ARFGEF2: variants seen among roughly 807,000 people sequenced by gnomAD.
ARFGEF2 encodes the protein brefeldin A-inhibited guanine nucleotide-exchange protein 2.
ARFGEF2 carries 74 observed loss-of-function variants against 219.9 expected under a neutral mutation model. That is an observed-to-expected ratio of 0.34 (90% CI 0.28 to 0.41). ARFGEF2 has a LOEUF of 0.41. Ranked by LOEUF, ARFGEF2 falls within the 10% of genes least tolerant of loss-of-function variation. The pLI, the probability that ARFGEF2 is intolerant of heterozygous loss-of-function variation, is 1.00. For synonymous variants in ARFGEF2, 733 were observed against 799.2 expected (o/e 0.92, Z 1.40); for missense variants, 1,743 against 2,218.3 (o/e 0.79, Z 4.30).
intron 1 of ARFGEF2, among the ~76,000 whole-genome samples, chr20:48,928,221 C>CGGA (rs1204892809): frequency 8.9e-6 from 1 of 112,246 alleles, no homozygotes; most frequent in Non-Finnish European, 1.7e-5. Flanking sequence ...TTTTTTGAGA[C>CGGA]GGAGTCTCGC....
At chr20:48,940,348 GTT>G (rs1027095093) in intron 1 of ARFGEF2, among the ~76,000 whole-genome samples, 1 of 152,152 alleles carries the variant, frequency 6.6e-6, no homozygotes, top group Non-Finnish European at 1.5e-5. Context: ...TATTATAATT[GTT>G]TTAAAAAGTG....
chr20:48,955,291 C>A (rs1356335446), intron 6 of ARFGEF2, among the ~76,000 whole-genome samples: 1 of 152,158 alleles, frequency 6.6e-6, no homozygotes, highest in Non-Finnish European at 1.5e-5. Flanking sequence ...GCCTCTGAAC[C>A]CCTTGTATCT....
chr20:49,034,732 G>A lies in ARFGEF2; in HGVS notation c.*1533G>A, dbSNP rs372113955. On this transcript the variant is annotated 3_prime_UTR_variant, in exon 39 of 39. Transcript: ENST00000371917. ...CAGATGTTTTTTCTTTGTAGAGAAG[G>A]ATTTCTGGTGCTTTTGCTTACTAAG... is the stretch of plus-strand genomic sequence containing the variant. The A allele has an allele frequency of 6.6e-6, 1 of 152,156 alleles. No homozygotes were observed. The highest frequency in any genetic ancestry group is 6.5e-5 in the Admixed American group (1 of 15,268). The allele number at this position is 152,156 out of a possible 1,614,324, so 9.4% of individuals were successfully genotyped here.
intron 12 of ARFGEF2, among the ~76,000 whole-genome samples, chr20:48,973,498 A>G (rs1183736748): frequency 6.6e-6 from 1 of 152,172 alleles, no homozygotes; most frequent in African/African-American, 2.4e-5. Flanking sequence ...GGGACGGCAG[A>G]GAGGAAGTGC....
chr20:49,032,911 G>T, intron 38 of ARFGEF2, 112 bp from the exon 39 acceptor site: 1 of 1,106,656 alleles, frequency 9.0e-7, no homozygotes, highest in South Asian at 1.3e-5. Flanking sequence ...CTAATAGCAA[G>T]AAAAGCACCA....
intron 37 of ARFGEF2, among the ~76,000 whole-genome samples, chr20:49,031,420 G>A (rs1355010039): frequency 6.6e-6 from 1 of 151,892 alleles, no homozygotes; most frequent in African/African-American, 2.4e-5. Flanking sequence ...AGTAGAAATG[G>A]GGGTTTGCTA....
At chr20:48,968,514 T>G (rs1856997580) in intron 8 of ARFGEF2, among the ~76,000 whole-genome samples, 2 of 152,040 alleles carry the variant, frequency 1.3e-5, no homozygotes, top group African/African-American at 4.8e-5. Context: ...GCGATTCTCC[T>G]GTCTTAGCCT....
At chr20:48,932,801 C>T (rs1460349709) in intron 1 of ARFGEF2, among the ~76,000 whole-genome samples, 1 of 152,124 alleles carries the variant, frequency 6.6e-6, no homozygotes, top group Non-Finnish European at 1.5e-5. Context: ...TCAGTGTGAC[C>T]AGCCTCACCA....
At chr20:48,978,029 G>A (rs1319472327) in intron 14 of ARFGEF2, among the ~76,000 whole-genome samples, 2 of 152,164 alleles carry the variant, frequency 1.3e-5, no homozygotes, top group African/African-American at 2.4e-5. Flanking sequence ...TGCTTTTGGT[G>A]TTTTAGTCAT....
Position 49,025,294 on chromosome 20 carries a change from C to T in ARFGEF2, c.4756-19C>T. ...CCATCTTCTTCATTAGCTCTTCTAT[C>T]CTCTGTCCTGTCCTCTAGCAAGACA... On this transcript the variant is annotated intron_variant, in intron 35 of 38. Transcript: ENST00000371917. 6.2e-7 allele frequency: 1 copy of T among 1,601,032 alleles called. No homozygotes were observed. Among genetic ancestry groups the T allele is most frequent in the Non-Finnish European group, 8.5e-7 (1 of 1,173,168 alleles).
intron 37 of ARFGEF2, 112 bp downstream of exon 37, chr20:49,028,780 AT>A (rs908604772): frequency 1.8e-4 from 227 of 1,238,714 alleles, no homozygotes; most frequent in African/African-American, 1.8e-3. Context: ...ACTCTGACAA[AT>A]TTTTTTTTCT....
At position 48,975,129 on chromosome 20, in the gene ARFGEF2, A is replaced by G. The variant is rs180884065; in HGVS notation, c.1774+255A>G. ...AGTTGTTCATTCCCTCACTGATTCA[A>G]AGCATCACCTTTATGATATACCACA... On this transcript the variant is annotated intron_variant, in intron 13 of 38. Coordinates refer to ENST00000371917, the MANE Select transcript of ARFGEF2 (RefSeq NM_006420.3). 1.4e-3 allele frequency among the ~76,000 whole-genome samples: 213 copies of G among 152,258 alleles called. 1 individual carries two copies. Among genetic ancestry groups the G allele is most frequent in the African/African-American group, 4.9e-3 (202 of 41,562 alleles).
rs2091488116 is a variant in ARFGEF2, at chr20:49,010,152, C to T, written c.3585-80C>T. ...TGCTATAAGAAATGTTTAAGTGCTG[C>T]TTCTAAGGGATGAGCTATGTTCATT... On this transcript the variant is annotated intron_variant, in intron 26 of 38. Transcript: ENST00000371917. 20 of 1,522,450 alleles carry T rather than the reference C, an allele frequency of 1.3e-5. No individual in the cohort carries two copies. In the Admixed American group the frequency reaches 3.5e-4, roughly 27 times the overall value. 94.3% of individuals were successfully genotyped at this position (1,522,450 alleles called of 1,614,324 possible).
intron 31 of ARFGEF2, 146 bp from the exon 32 acceptor site, chr20:49,017,103 A>T: frequency 1.4e-6 from 1 of 730,556 alleles, no homozygotes; most frequent in Non-Finnish European, 2.2e-6. Flanking sequence ...TAAAAATTTT[A>T]ATACTGTCTG....
In ARFGEF2 at chr20:48,985,024, C is replaced by T. The variant is rs1600633857; in HGVS notation, c.2070+184C>T. 6.6e-5 allele frequency among the ~76,000 whole-genome samples: 10 copies of T among 152,222 alleles called. No homozygotes were observed. In the South Asian group the frequency reaches 2.1e-3, roughly 32 times the overall value. ...CTGTGTATCCCGTTGGCTAGTGTTG[C>T]AGAAAGCTCTTTGATGGGAATAAAC... On this transcript the variant is annotated intron_variant, in intron 15 of 38. Coordinates refer to ENST00000371917, the MANE Select transcript of ARFGEF2 (RefSeq NM_006420.3).
chr20:49,033,045 A>G lies in ARFGEF2; in HGVS notation c.5204A>G (p.Tyr1735Cys). The G allele has an allele frequency of 6.2e-7, 1 of 1,614,092 alleles. No homozygotes were observed. The highest frequency in any genetic ancestry group is 1.1e-5 in the South Asian group (1 of 91,086). ...AAGTTCAAAGCACATGCTTCAATGTACTACCCCTACTTGTGTGAAATTATG... is the reference window on the plus strand; with the variant it reads ...AAGTTCAAAGCACATGCTTCAATGTGCTACCCCTACTTGTGTGAAATTATG... ...DEKFKAHASMYYPYLCEIMQF... is the reference protein window; with the variant it reads ...DEKFKAHASMCYPYLCEIMQF... Residue 1735 changes from tyrosine to cysteine, a missense_variant, in exon 39 of 39, where the codon TAC becomes TGC. By Grantham distance (194) the Tyr-to-Cys change is radical (BLOSUM62 -2). Coordinates refer to ENST00000371917, the MANE Select transcript of ARFGEF2 (RefSeq NM_006420.3).
At chr20:48,996,173 T>TA (rs760250931) in intron 23 of ARFGEF2, among the ~76,000 whole-genome samples, 11 of 152,146 alleles carry the variant, frequency 7.2e-5, no homozygotes, top group Non-Finnish European at 1.5e-4. Context: ...AGTTTAGGAT[T>TA]AAAAGCCTAC....
At chr20:48,943,916 C>T (rs1268590800) in intron 3 of ARFGEF2, among the ~76,000 whole-genome samples, 1 of 152,196 alleles carries the variant, frequency 6.6e-6, no homozygotes, top group Non-Finnish European at 1.5e-5. Context: ...GTACAGCTTT[C>T]TCGAGAAAGA....
chr20:49,001,671 C>T (rs1250696897), intron 25 of ARFGEF2, among the ~76,000 whole-genome samples: 3 of 152,138 alleles, frequency 2.0e-5, no homozygotes, highest in Non-Finnish European at 2.9e-5. Flanking sequence ...ACAAAAATTA[C>T]AGCTAAAACA....
Sources: allele counts gnomAD v4.1 joint callset (sites outside exome capture counted in the v4.1 genomes callset), GRCh38; gene constraint gnomAD v4.1.1; transcripts MANE v1.5; gene names NCBI Gene and HGNC (gene_info 2026-07-23, HGNC 2026-07-21).